Variants in SFXN5 observed in about 807,000 individuals in gnomAD.
SFXN5 encodes the protein sideroflexin-5.
In SFXN5, 43 loss-of-function variants were observed where a neutral mutation model predicts 50.2. The observed-to-expected ratio is 0.86, with a 90% CI of 0.67 to 1.11. SFXN5 has a LOEUF of 1.11. SFXN5 is among the 50% of genes least tolerant of loss of function. The pLI, the probability that SFXN5 is intolerant of heterozygous loss-of-function variation, is 0.00. For missense variants in SFXN5, 463 were observed against 454.1 expected, an observed-to-expected ratio of 1.02 and a Z score of -0.18; for synonymous variants, 203 against 185.8, an observed-to-expected ratio of 1.09 and a Z score of -0.75.
intron 10 of SFXN5, 84 bp from the exon 11 acceptor site, chr2:72,971,769 G>A (rs1642402780): frequency 1.2e-5 from 12 of 1,021,440 alleles, no homozygotes; most frequent in African/African-American, 3.2e-5. Context: ...TCCTTCCTAC[G>A]CAAGCCTTGG....
chr2:72,984,153 GCTCA>G (rs1339970392), intron 10 of SFXN5, among the ~76,000 whole-genome samples: 1 of 152,206 alleles, frequency 6.6e-6, no homozygotes, highest in Non-Finnish European at 1.5e-5. Context: ...ATGCTCCTGG[GCTCA>G]CTGTCTTTCC....
At chr2:73,054,647 T>A (rs1460824755) in intron 2 of SFXN5, among the ~76,000 whole-genome samples, 2 of 152,134 alleles carry the variant, frequency 1.3e-5, no homozygotes, top group African/African-American at 4.8e-5. Context: ...AGCAATGAAA[T>A]ACCTCCCTGC....
intron 1 of SFXN5, chr2:73,059,225 T>C: frequency 1.0e-6 from 1 of 985,722 alleles, no homozygotes; most frequent in Non-Finnish European, 1.2e-6. Flanking sequence ...GCCACAGGCA[T>C]TGGAGCACAA....
chr2:73,047,455 T>C (rs1680654445), intron 2 of SFXN5, among the ~76,000 whole-genome samples: 1 of 149,824 alleles, frequency 6.7e-6, no homozygotes. Flanking sequence ...GACAATGATA[T>C]GGTTTGGCTG....
chr2:73,008,706 G>A (rs895974014), intron 6 of SFXN5, among the ~76,000 whole-genome samples: 6 of 152,156 alleles, frequency 3.9e-5, no homozygotes, highest in African/African-American at 1.4e-4. Flanking sequence ...AGGGAGTGAC[G>A]AACCGCAGAG....
chr2:73,045,658 T>G (rs959345991), intron 2 of SFXN5, among the ~76,000 whole-genome samples: 1 of 152,058 alleles, frequency 6.6e-6, no homozygotes, highest in African/African-American at 2.4e-5. Context: ...CTTGCACCAC[T>G]GAGGGCAGGG....
chr2:72,965,104 C>T (rs1038515460), intron 12 of SFXN5, among the ~76,000 whole-genome samples: 1 of 152,230 alleles, frequency 6.6e-6, no homozygotes, highest in African/African-American at 2.4e-5. Context: ...CCCTAGCAGG[C>T]AAACACACAG....
At chr2:72,978,060 CA>C (rs1670851521) in intron 10 of SFXN5, among the ~76,000 whole-genome samples, 2 of 149,574 alleles carry the variant, frequency 1.3e-5, no homozygotes, top group Admixed American at 1.3e-4. Context: ...TATTTTCTTC[CA>C]AAGGTTTTAA....
At chr2:72,999,915 C>T (rs1046810728) in intron 8 of SFXN5, among the ~76,000 whole-genome samples, 5 of 151,948 alleles carry the variant, frequency 3.3e-5, no homozygotes, top group African/African-American at 4.8e-5. Flanking sequence ...TGGGCCTCCA[C>T]CACAAGCTCT....
rs28631800 is a variant in SFXN5, at chr2:72,942,836, G to A, written c.*2186C>T. On this transcript the variant is annotated 3_prime_UTR_variant, in exon 14 of 14. Coordinates refer to ENST00000272433, the MANE Select transcript of SFXN5 (RefSeq NM_144579.3). ...GCCACAGGCTGGGCCAGGGCACCAG[G>A]CCTCTGGCAGGGGGAGGGCGGGAAG... is the stretch of plus-strand genomic sequence containing the variant. 6.8e-6 allele frequency: 1 copy of A among 146,622 alleles called. No homozygotes were observed. Among genetic ancestry groups the A allele is most frequent in the African/African-American group, 2.5e-5 (1 of 40,578 alleles). 9.1% of individuals were successfully genotyped at this position (146,622 alleles called of 1,614,324 possible). A position where few individuals can be genotyped will look rare whatever the true frequency, so the allele number is the denominator to read the frequency against.
At chr2:73,036,144 G>A (rs1457178685) in intron 3 of SFXN5, among the ~76,000 whole-genome samples, 1 of 152,208 alleles carries the variant, frequency 6.6e-6, no homozygotes, top group African/African-American at 2.4e-5. Flanking sequence ...CACCCGGGCC[G>A]CTTCAGATGA....
At chr2:72,963,477 G>C (rs747448731) in intron 12 of SFXN5, among the ~76,000 whole-genome samples, 3 of 151,934 alleles carry the variant, frequency 2.0e-5, no homozygotes, top group Non-Finnish European at 4.4e-5. Flanking sequence ...GGCTGAAACA[G>C]GAGCCTCGGA....
chr2:73,004,097 T>C (rs1487672762), intron 6 of SFXN5, among the ~76,000 whole-genome samples: 1 of 152,198 alleles, frequency 6.6e-6, no homozygotes, highest in African/African-American at 2.4e-5. Flanking sequence ...AATCTGTCCA[T>C]AGCTTCATAG....
intron 10 of SFXN5, among the ~76,000 whole-genome samples, chr2:72,980,217 T>A (rs973878571): frequency 1.3e-5 from 2 of 151,156 alleles, no homozygotes; most frequent in Non-Finnish European, 2.9e-5. Context: ...AAAGGGGAAA[T>A]AATAAAAAGT....
chr2:73,037,476 T>A lies in SFXN5; in HGVS notation c.249+3378A>T, dbSNP rs578005079. 3.9e-5 allele frequency among the ~76,000 whole-genome samples: 6 copies of A among 152,144 alleles called. No homozygotes were observed. In the East Asian group the frequency reaches 1.2e-3, roughly 29 times the overall value. ...ACAGAAGTTCCAGAATGAGAAAAAG[T>A]GATGAAAGCAATTAAAAATTTTGCC... On this transcript the variant is annotated intron_variant, in intron 3 of 13. Transcript: ENST00000272433.
chr2:73,024,244 G>A (rs547362390), intron 3 of SFXN5, among the ~76,000 whole-genome samples: 1 of 152,114 alleles, frequency 6.6e-6, no homozygotes, highest in Non-Finnish European at 1.5e-5. Flanking sequence ...GGCTGGTCTT[G>A]AACTCCTGAC....
intron 10 of SFXN5, among the ~76,000 whole-genome samples, chr2:72,979,848 G>GAT (rs1671078232): frequency 1.3e-5 from 2 of 152,066 alleles, no homozygotes; most frequent in South Asian, 4.2e-4. Context: ...ACTACATATA[G>GAT]ATATAATAGG....
intron 12 of SFXN5, among the ~76,000 whole-genome samples, chr2:72,967,988 G>T (rs868654396): frequency 1.3e-5 from 2 of 152,136 alleles, no homozygotes; most frequent in Non-Finnish European, 2.9e-5. Flanking sequence ...GAGAAACTGA[G>T]GCTCAGTAAG....
At chr2:73,065,996 C>G (rs554364997) in intron 1 of SFXN5, among the ~76,000 whole-genome samples, 1 of 152,138 alleles carries the variant, frequency 6.6e-6, no homozygotes, top group South Asian at 2.1e-4. Flanking sequence ...GAGGAAATGA[C>G]CAGAAAAGGA....
Sources: allele counts gnomAD v4.1 joint callset (sites outside exome capture counted in the v4.1 genomes callset), GRCh38; gene constraint gnomAD v4.1.1; transcripts MANE v1.5; gene names NCBI Gene and HGNC (gene_info 2026-07-23, HGNC 2026-07-21).